PAFAH1B1: variants seen among roughly 807,000 people sequenced by gnomAD.
The protein encoded by PAFAH1B1 is platelet activating factor acetylhydrolase 1b regulatory subunit 1.
A neutral mutation model predicts 57.5 loss-of-function variants in PAFAH1B1; 2 were observed. That is an observed-to-expected ratio of 0.03 (90% confidence interval 0.01 to 0.11). The LOEUF is 0.11. PAFAH1B1 is among the 10% of genes least tolerant of loss of function. The pLI is 1.00. For synonymous variants in PAFAH1B1, 152 were observed against 169.6 expected (o/e 0.90, Z 0.81); for missense variants, 257 against 512.0 (o/e 0.50, Z 4.81).
chr17:2,669,290 G>A (rs1237634576), intron 5 of PAFAH1B1, among the ~76,000 whole-genome samples: 3 of 146,474 alleles, frequency 2.0e-5, no homozygotes, highest in Admixed American at 1.4e-4. Flanking sequence ...TTGAGATGGA[G>A]TTTCACTCTT....
intron 5 of PAFAH1B1, among the ~76,000 whole-genome samples, chr17:2,669,645 G>A (rs1010769089): frequency 6.6e-6 from 1 of 151,972 alleles, no homozygotes; most frequent in African/African-American, 2.4e-5. Flanking sequence ...TCTTTCCTTG[G>A]CCCTTTAGAT....
At chr17:2,664,161 A>G (rs2069062135) in intron 2 of PAFAH1B1, among the ~76,000 whole-genome samples, 1 of 152,160 alleles carries the variant, frequency 6.6e-6, no homozygotes, top group Non-Finnish European at 1.5e-5. Flanking sequence ...ATTCCCTGTT[A>G]TCTTTCTTTG....
chr17:2,677,026 G>T (rs916888717), intron 9 of PAFAH1B1, among the ~76,000 whole-genome samples: 1 of 152,128 alleles, frequency 6.6e-6, no homozygotes, highest in African/African-American at 2.4e-5. Context: ...GGTGGCGGGC[G>T]CCTGTAGTCC....
At chr17:2,679,366 TTAGATGGATGAATGATTGGA>T (rs1419105248) in intron 9 of PAFAH1B1, among the ~76,000 whole-genome samples, 3 of 7,752 alleles carry the variant, frequency 3.9e-4, no homozygotes, top group East Asian at 0.013. Flanking sequence ...GGATGGATGA[TTAGATGGATGAATGATTGGA>T]TGGATGGATG....
At chr17:2,652,220 C>T (rs966361521) in intron 2 of PAFAH1B1, among the ~76,000 whole-genome samples, 2 of 151,948 alleles carry the variant, frequency 1.3e-5, no homozygotes, top group African/African-American at 4.8e-5. Flanking sequence ...ACCATCCTGG[C>T]TAACACGGTG....
intron 6 of PAFAH1B1, among the ~76,000 whole-genome samples, chr17:2,670,766 T>C (rs979758340): frequency 2.0e-5 from 3 of 152,172 alleles, no homozygotes; most frequent in African/African-American, 7.2e-5. Flanking sequence ...CCGGGTCTTG[T>C]TGTGGGAACT....
intron 2 of PAFAH1B1, chr17:2,642,177 A>G (rs534076721): frequency 1.3e-5 from 2 of 152,292 alleles, no homozygotes; most frequent in South Asian, 2.1e-4. Context: ...CTCTTCTTCT[A>G]TAGTGAGAAC....
chr17:2,597,796 G>C (rs1009623554), intron 1 of PAFAH1B1, among the ~76,000 whole-genome samples: 8 of 151,928 alleles, frequency 5.3e-5, no homozygotes, highest in East Asian at 1.9e-4. Context: ...GTGTGTGTGT[G>C]TGTCTGTCTG....
chr17:2,637,174 T>G (rs1326117556), intron 1 of PAFAH1B1, among the ~76,000 whole-genome samples: 1 of 152,232 alleles, frequency 6.6e-6, no homozygotes, highest in Non-Finnish European at 1.5e-5. Flanking sequence ...CACAGGATCT[T>G]CATTATATGT....
intron 2 of PAFAH1B1, chr17:2,641,205 A>G (rs997813125): frequency 4.0e-5 from 6 of 151,882 alleles, no homozygotes; most frequent in African/African-American, 1.5e-4. Context: ...GCTGGAGTGC[A>G]CAGAGTGCAG....
At chr17:2,609,884 G>A (rs1243607133) in intron 1 of PAFAH1B1, among the ~76,000 whole-genome samples, 6 of 152,128 alleles carry the variant, frequency 3.9e-5, no homozygotes. Flanking sequence ...GAGTGCAGTG[G>A]CACGATCTCG....
intron 2 of PAFAH1B1, 119 bp downstream of exon 2, chr17:2,638,439 A>C (rs919741270): frequency 1.7e-5 from 14 of 801,436 alleles, no homozygotes; most frequent in Non-Finnish European, 2.8e-5. Flanking sequence ...CCAGTGTTCC[A>C]ATATTAGTTT....
intron 1 of PAFAH1B1, among the ~76,000 whole-genome samples, chr17:2,636,944 C>T (rs2068632318): frequency 1.3e-5 from 2 of 152,108 alleles, no homozygotes; most frequent in African/African-American, 4.8e-5. Context: ...TGGTCTTGAA[C>T]TCCTGGGCTC....
At chr17:2,658,156 T>C (rs2068963301) in intron 2 of PAFAH1B1, among the ~76,000 whole-genome samples, 1 of 152,252 alleles carries the variant, frequency 6.6e-6, no homozygotes, top group Admixed American at 6.5e-5. Context: ...GCAGTTTTTT[T>C]CTAAGTGTCA....
chr17:2,594,472 A>C (rs1349157151), intron 1 of PAFAH1B1, among the ~76,000 whole-genome samples: 10 of 152,060 alleles, frequency 6.6e-5, no homozygotes, highest in Non-Finnish European at 1.5e-4. Context: ...TCCCCACCCC[A>C]CCCTCAGTTA....
chr17:2,657,039 A>G (rs771330266), intron 2 of PAFAH1B1, among the ~76,000 whole-genome samples: 1 of 152,248 alleles, frequency 6.6e-6, no homozygotes, highest in Non-Finnish European at 1.5e-5. Context: ...CTCCTGCCTC[A>G]GCTTCACTAG....
chr17:2,600,857 G>T (rs1229190003), intron 1 of PAFAH1B1, among the ~76,000 whole-genome samples: 3 of 151,714 alleles, frequency 2.0e-5, no homozygotes, highest in Admixed American at 2.0e-4. Context: ...AGCCTCCCTA[G>T]TAATAGCTGG....
chr17:2,644,960 C>T (rs2068747452), intron 2 of PAFAH1B1, among the ~76,000 whole-genome samples: 1 of 152,064 alleles, frequency 6.6e-6, no homozygotes. Flanking sequence ...TTAAAATGTT[C>T]ATCAGGCCAG....
chr17:2,609,660 C>T (rs768347452), intron 1 of PAFAH1B1: 7 of 151,190 alleles, frequency 4.6e-5, no homozygotes, highest in Admixed American at 6.6e-5. Context: ...TAGAGGCGCC[C>T]GCCACCAGGC....
Sources: gnomAD v4.1 joint callset for allele counts (sites outside exome capture counted in the v4.1 genomes callset) on GRCh38, gnomAD v4.1.1 for gene constraint, MANE v1.5 for transcripts, NCBI Gene and HGNC (gene_info 2026-07-23, HGNC 2026-07-21) for gene names.